ELP1: variants seen among roughly 807,000 people sequenced by gnomAD.
ELP1 encodes elongator acetyltransferase complex subunit 1, also known as elongator complex protein 1.
A neutral mutation model predicts 183.2 loss-of-function variants in ELP1; 131 were observed. The observed-to-expected ratio is 0.72, with a 90% confidence interval of 0.62 to 0.83. The LOEUF is 0.83. ELP1 is among the 40% of genes least tolerant of loss of function. ELP1 has a pLI of 0.00. For missense variants in ELP1, 1,550 were observed against 1,594.9 expected, an observed-to-expected ratio of 0.97 and a Z score of 0.48; for synonymous variants, 555 against 569.0, an observed-to-expected ratio of 0.98 and a Z score of 0.35.
intron 35 of ELP1, among the ~76,000 whole-genome samples, chr9:108,877,035 G>A (rs911123206): frequency 5.3e-5 from 8 of 152,108 alleles, no homozygotes; most frequent in African/African-American, 9.7e-5. Flanking sequence ...CACCTGGCCC[G>A]ACCGGCTGGC....
At chr9:108,877,440 T>C (rs894764311) in intron 35 of ELP1, among the ~76,000 whole-genome samples, 1 of 152,184 alleles carries the variant, frequency 6.6e-6, no homozygotes, top group African/African-American at 2.4e-5. Flanking sequence ...CTCTTAACAA[T>C]AGACTTGAAG....
chr9:108,910,468 T>C (rs1201839477), intron 12 of ELP1, among the ~76,000 whole-genome samples: 2 of 152,174 alleles, frequency 1.3e-5, no homozygotes, highest in Non-Finnish European at 2.9e-5. Flanking sequence ...AAAAACAAAT[T>C]TCAGATTCTC....
intron 7 of ELP1, 82 bp from the exon 8 acceptor site, chr9:108,918,983 T>C (rs1829548734): frequency 9.7e-6 from 10 of 1,029,692 alleles, no homozygotes; most frequent in Non-Finnish European, 1.5e-5. Flanking sequence ...TTCAAACACC[T>C]TCCTTACAAA....
chr9:108,882,136 C>T lies in ELP1; in HGVS notation c.3274G>A (p.Ala1092Thr), dbSNP rs1587875300. Residue 1092 changes from alanine to threonine, a missense_variant, in exon 30 of 37, where the codon GCT becomes ACT. Transcript: ENST00000374647. ...LLLEGAAWEE[A>T]LRLVYKYNRL... ...TACAAGATTCTTACCAGCCTCAAAG[C>T]TTCTTCCCAGGCAGCTCCTTCTAAC... is the stretch of plus-strand genomic sequence containing the variant. 3 of 1,613,602 alleles carry T rather than the reference C, an allele frequency of 1.9e-6. No homozygotes were observed. Among genetic ancestry groups the T allele is most frequent in the East Asian group, 2.2e-5 (1 of 44,868 alleles).
In ELP1 at chr9:108,868,693, G is replaced by A; in HGVS notation, c.*422C>T. On this transcript the variant is annotated 3_prime_UTR_variant, in exon 37 of 37. Transcript: ENST00000374647. ...TTTAAGGTGACAAGAAGCTATTTAA[G>A]TGATTACATTTGACCAAATGTAGCA... The A allele has an allele frequency of 2.1e-6, 1 of 480,410 alleles. No homozygotes were observed. Among genetic ancestry groups the A allele is most frequent in the Non-Finnish European group, 3.6e-6 (1 of 274,702 alleles). The allele number at this position is 480,410 out of a possible 1,614,324, so 29.8% of individuals were successfully genotyped here. A position where few individuals can be genotyped will look rare whatever the true frequency, so the allele number is the denominator to read the frequency against.
chr9:108,887,854 G>T (rs1004209151), intron 29 of ELP1, among the ~76,000 whole-genome samples: 2 of 152,152 alleles, frequency 1.3e-5, no homozygotes, highest in Non-Finnish European at 2.9e-5. Flanking sequence ...TATCACTGAG[G>T]GGAATGCAAA....
chr9:108,871,131 A>G (rs1035831779), intron 36 of ELP1, among the ~76,000 whole-genome samples: 1 of 152,036 alleles, frequency 6.6e-6, no homozygotes, highest in African/African-American at 2.4e-5. Flanking sequence ...CTTTTTCTAT[A>G]ACAATGATGG....
At chr9:108,923,323 G>C (rs757505292) in intron 5 of ELP1, among the ~76,000 whole-genome samples, 1 of 152,172 alleles carries the variant, frequency 6.6e-6, no homozygotes, top group Non-Finnish European at 1.5e-5. Context: ...AGTGAGCCCT[G>C]ATTGTACTAC....
At chr9:108,906,208 C>T (rs1829011877) in intron 14 of ELP1, 95 bp downstream of exon 14, 2 of 1,224,916 alleles carry the variant, frequency 1.6e-6, no homozygotes, top group South Asian at 2.5e-5. Context: ...GCTCCTCAAC[C>T]TTGATCAATA....
chr9:108,933,629 G>A (rs183672011), intron 1 of ELP1, among the ~76,000 whole-genome samples: 15 of 152,374 alleles, frequency 9.8e-5, no homozygotes, highest in Admixed American at 7.2e-4. Context: ...AAGAGGCTGG[G>A]TTAAGTCCGG....
At chr9:108,897,960 G>A (rs1228000333) in intron 22 of ELP1, among the ~76,000 whole-genome samples, 1 of 152,198 alleles carries the variant, frequency 6.6e-6, no homozygotes, top group Non-Finnish European at 1.5e-5. Context: ...ATGCCCTCTA[G>A]TTAATGATAT....
At chr9:108,869,817 T>C (rs1479348809) in intron 36 of ELP1, among the ~76,000 whole-genome samples, 1 of 152,184 alleles carries the variant, frequency 6.6e-6, no homozygotes, top group Non-Finnish European at 1.5e-5. Context: ...GGAGAAAATA[T>C]GTATATATAA....
intron 36 of ELP1, among the ~76,000 whole-genome samples, chr9:108,873,923 A>G (rs976021483): frequency 5.3e-5 from 6 of 112,606 alleles, no homozygotes; most frequent in African/African-American, 1.2e-4. Context: ...ACTGATACCA[A>G]AAGAACCTTG....
intron 11 of ELP1, among the ~76,000 whole-genome samples, chr9:108,911,631 C>G (rs1221133291): frequency 6.6e-6 from 1 of 152,120 alleles, no homozygotes; most frequent in South Asian, 2.1e-4. Flanking sequence ...GAATATTACA[C>G]AGAATATGAA....
intron 7 of ELP1, 102 bp downstream of exon 7, chr9:108,919,151 G>A (rs1308586071): frequency 1.2e-6 from 1 of 817,698 alleles, no homozygotes; most frequent in African/African-American, 1.7e-5. Flanking sequence ...TGCCTCATAT[G>A]TATAATTAAT....
chr9:108,906,168 TTGTTAAG>T, intron 14 of ELP1, 128 bp downstream of exon 14: 1 of 809,314 alleles, frequency 1.2e-6, no homozygotes. Context: ...CTTAACCTTC[TTGTTAAG>T]TGTGTCTAAC....
intron 14 of ELP1, 54 bp from the exon 15 acceptor site, chr9:108,903,723 T>C: frequency 7.8e-7 from 1 of 1,279,274 alleles, no homozygotes; most frequent in Non-Finnish European, 1.1e-6. Flanking sequence ...TCAAAAATAG[T>C]GACATTTCAC....
chr9:108,932,893 T>G (rs898843883), intron 1 of ELP1, among the ~76,000 whole-genome samples: 2 of 152,154 alleles, frequency 1.3e-5, no homozygotes, highest in Non-Finnish European at 2.9e-5. Flanking sequence ...GTGCTAAAGA[T>G]CCCTCCACAC....
At position 108,917,595 on chromosome 9, in the gene ELP1, T is replaced by G. The variant is rs201336920; in HGVS notation, c.816A>C (p.Gly272=). 1.2e-6 allele frequency: 2 copies of G among 1,613,562 alleles called. No individual in the cohort carries two copies. Residue 272 remains glycine (G), a synonymous_variant, in exon 9 of 37, where the codon GGA becomes GGC. Transcript: ENST00000374647. The part of the protein sequence containing the change: ...QQDIVFFEKN[G]LLHGHFTLPF... ...GAAGTGTAAAGTGTCCATGAAGGAGTCCATTTTTCTCAAAAAACACAATAT... is the reference window on the plus strand; with the variant it reads ...GAAGTGTAAAGTGTCCATGAAGGAGGCCATTTTTCTCAAAAAACACAATAT...
Sources: allele counts gnomAD v4.1 joint callset (sites outside exome capture counted in the v4.1 genomes callset), GRCh38; gene constraint gnomAD v4.1.1; transcripts MANE v1.5; gene names NCBI Gene and HGNC (gene_info 2026-07-23, HGNC 2026-07-21).